The following GPC5 variants were observed in gnomAD, a reference collection of about 807,000 sequenced individuals.
GPC5 encodes the protein glypican-5.
GPC5 carries 47 observed loss-of-function variants against 53.9 expected under a neutral mutation model. That is an observed-to-expected ratio of 0.87 (90% CI 0.69 to 1.11). GPC5 has a LOEUF of 1.11. Ranked by LOEUF, GPC5 falls within the 50% of genes most tolerant of loss-of-function variation. The pLI is 0.00. For synonymous variants in GPC5, 286 were observed against 263.3 expected (o/e 1.09, Z -0.84); for missense variants, 748 against 713.1 (o/e 1.05, Z -0.56).
At chr13:92,418,521 T>G (rs923481161) in intron 7 of GPC5, among the ~76,000 whole-genome samples, 3 of 152,150 alleles carry the variant, frequency 2.0e-5, no homozygotes, top group Non-Finnish European at 2.9e-5. Flanking sequence ...AGGACAAAGA[T>G]AGAGATCCTG....
At chr13:92,570,727 C>G (rs1882997266) in intron 7 of GPC5, among the ~76,000 whole-genome samples, 3 of 152,080 alleles carry the variant, frequency 2.0e-5, no homozygotes, top group South Asian at 4.1e-4. Flanking sequence ...CAGAACCTAC[C>G]AAATATTCAA....
chr13:91,960,974 G>A (rs950790673), intron 6 of GPC5, among the ~76,000 whole-genome samples: 1 of 151,736 alleles, frequency 6.6e-6, no homozygotes, highest in African/African-American at 2.4e-5. Context: ...CAGGATATGA[G>A]TCTAGGCAAA....
At chr13:92,447,230 T>C (rs1457262894) in intron 7 of GPC5, 3 of 152,124 alleles carry the variant, frequency 2.0e-5, no homozygotes, top group Non-Finnish European at 4.4e-5. Flanking sequence ...CTGAAGAGTT[T>C]CCCCAAAGTT....
intron 7 of GPC5, among the ~76,000 whole-genome samples, chr13:92,656,620 G>T (rs1886145941): frequency 6.6e-6 from 1 of 152,142 alleles, no homozygotes; most frequent in African/African-American, 2.4e-5. Flanking sequence ...TCTTTCAAAT[G>T]AATTAGCCTA....
intron 6 of GPC5, among the ~76,000 whole-genome samples, chr13:92,091,874 T>C (rs2041383966): frequency 6.6e-6 from 1 of 151,972 alleles, no homozygotes; most frequent in Non-Finnish European, 1.5e-5. Context: ...CCATTCCAAA[T>C]ACATACAGGC....
intron 5 of GPC5, among the ~76,000 whole-genome samples, chr13:91,791,384 C>A (rs937421102): frequency 6.6e-6 from 1 of 152,126 alleles, no homozygotes; most frequent in African/African-American, 2.4e-5. Flanking sequence ...TAGAACTATC[C>A]TGGCTTCTCA....
intron 7 of GPC5, among the ~76,000 whole-genome samples, chr13:92,541,658 T>A (rs1594289801): frequency 6.6e-6 from 1 of 152,052 alleles, no homozygotes; most frequent in East Asian, 1.9e-4. Flanking sequence ...TTTTCTGTTA[T>A]GAAAAGTGTT....
intron 7 of GPC5, among the ~76,000 whole-genome samples, chr13:92,238,536 T>C (rs891343456): frequency 6.6e-6 from 1 of 152,106 alleles, no homozygotes; most frequent in African/African-American, 2.4e-5. Flanking sequence ...TTGCCCTTTT[T>C]AAAAACTGGG....
intron 1 of GPC5, among the ~76,000 whole-genome samples, chr13:91,445,507 C>T (rs536764960): frequency 3.3e-5 from 5 of 152,328 alleles, no homozygotes; most frequent in African/African-American, 1.2e-4. Context: ...CAGAATCTTG[C>T]TCTGTCCCCC....
At chr13:92,695,974 T>C (rs1887545160) in intron 7 of GPC5, among the ~76,000 whole-genome samples, 1 of 152,142 alleles carries the variant, frequency 6.6e-6, no homozygotes, top group South Asian at 2.1e-4. Flanking sequence ...CTGTGTTAGT[T>C]TGCTGAGAAT....
At chr13:92,594,221 A>G (rs1883799349) in intron 7 of GPC5, among the ~76,000 whole-genome samples, 1 of 152,120 alleles carries the variant, frequency 6.6e-6, no homozygotes, top group African/African-American at 2.4e-5. Context: ...AACTAAAAAC[A>G]GGGTTGATTG....
chr13:92,273,747 G>T (rs1371622252), intron 7 of GPC5, among the ~76,000 whole-genome samples: 1 of 152,108 alleles, frequency 6.6e-6, no homozygotes, highest in Admixed American at 6.5e-5. Context: ...TAAGTGCCAG[G>T]AGAAAAAGGA....
At position 91,889,215 on chromosome 13, in the gene GPC5, G is replaced by A. The variant is rs892608542; in HGVS notation, c.1281-18722G>A. ...AGAATGGAGCTGTAAAGGAATAAGT[G>A]CCCATTTTCTGGGACACTCCAAGAG... On this transcript the variant is annotated intron_variant, in intron 5 of 7. Coordinates refer to ENST00000377067, the MANE Select transcript of GPC5 (RefSeq NM_004466.6). Among the ~76,000 whole-genome samples the A allele has an allele frequency of 2.9e-4, 44 of 152,144 alleles. 1 individual carries two copies. The highest frequency in any genetic ancestry group is 2.8e-3 in the Admixed American group (43 of 15,266).
At chr13:91,942,642 T>C (rs906505076) in intron 6 of GPC5, among the ~76,000 whole-genome samples, 11 of 142,312 alleles carry the variant, frequency 7.7e-5, no homozygotes, top group African/African-American at 2.9e-4. Context: ...GTAGAGTAGT[T>C]GAAAACTCTT....
intron 7 of GPC5, among the ~76,000 whole-genome samples, chr13:92,393,429 C>A (rs1875115834): frequency 6.6e-6 from 1 of 152,282 alleles, no homozygotes; most frequent in African/African-American, 2.4e-5. Flanking sequence ...GTGGGCAGAC[C>A]ACCTGAGGAC....
intron 7 of GPC5, among the ~76,000 whole-genome samples, chr13:92,845,465 G>A (rs1878582353): frequency 6.6e-6 from 1 of 152,162 alleles, no homozygotes; most frequent in South Asian, 2.1e-4. Context: ...TGATGTCTCA[G>A]TTTGAAGACA....
At chr13:92,738,869 G>A (rs187734818) in intron 7 of GPC5, among the ~76,000 whole-genome samples, 1 of 152,128 alleles carries the variant, frequency 6.6e-6, no homozygotes, top group Admixed American at 6.6e-5. Context: ...GTAATCTAAA[G>A]CCTCTCCAGC....
intron 5 of GPC5, among the ~76,000 whole-genome samples, chr13:91,873,476 C>T (rs955143431): frequency 3.3e-5 from 5 of 152,008 alleles, no homozygotes; most frequent in Admixed American, 2.6e-4. Context: ...GGGCCTTTCC[C>T]GTGCTGTTCT....
chr13:92,698,421 G>C (rs1887628199), intron 7 of GPC5, among the ~76,000 whole-genome samples: 1 of 151,908 alleles, frequency 6.6e-6, no homozygotes, highest in South Asian at 2.1e-4. Flanking sequence ...GCAGTGTTTG[G>C]TTTTTTGTCC....
Sources: gnomAD v4.1 joint callset for allele counts (sites outside exome capture counted in the v4.1 genomes callset) on GRCh38, gnomAD v4.1.1 for gene constraint, MANE v1.5 for transcripts, NCBI Gene and HGNC (gene_info 2026-07-23, HGNC 2026-07-21) for gene names.